FAM169A: variants seen among roughly 807,000 people sequenced by gnomAD.
FAM169A encodes soluble lamin-associated protein of 75 kDa.
FAM169A carries 24 observed loss-of-function variants against 75.7 expected under a neutral mutation model. That is an observed-to-expected ratio of 0.32 (90% CI 0.23 to 0.45). The LOEUF (loss-of-function observed/expected upper bound fraction) is 0.45. Ranked by LOEUF, FAM169A falls within the 20% of genes least tolerant of loss-of-function variation. FAM169A has a pLI of 1.00. For missense variants in FAM169A, 673 were observed against 784.0 expected (o/e 0.86, Z 1.69); for synonymous variants, 271 against 271.0 (o/e 1.00, Z 0.00).
chr5:74,797,036 T>A (rs1339237747), intron 10 of FAM169A, among the ~76,000 whole-genome samples: 2 of 152,134 alleles, frequency 1.3e-5, no homozygotes, highest in Non-Finnish European at 2.9e-5. Context: ...TTGTAGTACA[T>A]CTTCATCAAG....
chr5:74,788,588 C>A (rs562881478), intron 11 of FAM169A, among the ~76,000 whole-genome samples: 19 of 152,136 alleles, frequency 1.2e-4, no homozygotes, highest in African/African-American at 4.6e-4. Context: ...GCCTGTAATC[C>A]CAGCTACTAG....
chr5:74,799,900 T>C, intron 10 of FAM169A: 1 of 945,094 alleles, frequency 1.1e-6, no homozygotes, highest in Non-Finnish European at 1.8e-6. Flanking sequence ...ATGGAATGCT[T>C]CTGCAACACG....
At chr5:74,821,866 GC>G (rs1487853416) in intron 5 of FAM169A, among the ~76,000 whole-genome samples, 1 of 152,124 alleles carries the variant, frequency 6.6e-6, no homozygotes, top group African/African-American at 2.4e-5. Context: ...CACTGGGATG[GC>G]AGAAGATCCA....
intron 10 of FAM169A, among the ~76,000 whole-genome samples, chr5:74,797,064 T>C (rs1746315229): frequency 6.6e-6 from 1 of 152,126 alleles, no homozygotes; most frequent in African/African-American, 2.4e-5. Context: ...AAGAGCTGGC[T>C]TTCTAATGCA....
intron 1 of FAM169A, among the ~76,000 whole-genome samples, chr5:74,842,590 G>T (rs565222658): frequency 1.4e-5 from 2 of 144,444 alleles, no homozygotes; most frequent in South Asian, 2.2e-4. Flanking sequence ...TAAGTGCATT[G>T]GTGCAATCAT....
intron 1 of FAM169A, among the ~76,000 whole-genome samples, chr5:74,845,492 T>C (rs1452092215): frequency 6.6e-6 from 1 of 152,178 alleles, no homozygotes; most frequent in South Asian, 2.1e-4. Flanking sequence ...CACTCCAGCC[T>C]GGGTGACAGA....
intron 5 of FAM169A, among the ~76,000 whole-genome samples, chr5:74,818,359 T>C (rs1747577412): frequency 6.6e-6 from 1 of 152,054 alleles, no homozygotes; most frequent in Admixed American, 6.6e-5. Context: ...CAAGGGACTG[T>C]GGGGTAAAGG....
upstream of FAM169A, chr5:74,866,538 G>T: frequency 1.8e-6 from 1 of 552,882 alleles, no homozygotes; most frequent in Non-Finnish European, 2.3e-6. Flanking sequence ...GGCCCGGCAG[G>T]TGCGGGCTTG....
intron 5 of FAM169A, among the ~76,000 whole-genome samples, chr5:74,832,159 A>G (rs1179972722): frequency 1.3e-5 from 2 of 152,136 alleles, no homozygotes; most frequent in Non-Finnish European, 2.9e-5. Context: ...TTGTTTGAAA[A>G]TATAAAACAT....
chr5:74,779,811 G>A lies in FAM169A; in HGVS notation c.*1649C>T, dbSNP rs970895711. ...TTTGTCTGCTTTAAGATTTTAACTT[G>A]ATCGAAAATACCAACATCCCCAAAC... is the stretch of plus-strand genomic sequence containing the variant. On this transcript the variant is annotated 3_prime_UTR_variant, in exon 13 of 13. Transcript: ENST00000687041. 2.0e-5 allele frequency: 3 copies of A among 152,114 alleles called. No homozygotes were observed. The highest frequency in any genetic ancestry group is 7.2e-5 in the African/African-American group (3 of 41,424). 9.4% of individuals were successfully genotyped at this position (152,114 alleles called of 1,614,324 possible). A position where few individuals can be genotyped will look rare whatever the true frequency, so the allele number is the denominator to read the frequency against.
chr5:74,796,334 C>T, intron 10 of FAM169A, 148 bp from the exon 11 acceptor site: 1 of 638,738 alleles, frequency 1.6e-6, no homozygotes, highest in South Asian at 2.4e-5. Context: ...TCTCTTCATC[C>T]TCTTATAATA....
Position 74,781,093 on chromosome 5 carries a change from A to G in FAM169A, c.*367T>C, listed in dbSNP as rs1146144. On this transcript the variant is annotated 3_prime_UTR_variant, in exon 13 of 13. Transcript: ENST00000687041. ...AAGTTTTACTATTAAAACCCTTAGT[A>G]TAAAAGATTTCTGTGATCCTTATAA... The G allele has an allele frequency of 5.7e-6, 1 of 176,510 alleles. No individual in the cohort carries two copies. Among genetic ancestry groups the G allele is most frequent in the African/African-American group, 2.4e-5 (1 of 42,142 alleles). 10.9% of individuals were successfully genotyped at this position (176,510 alleles called of 1,614,324 possible).
rs1157001411 is a variant in FAM169A at position 74,779,831 on chromosome 5, C to T, written c.*1629G>A. 6.6e-6 allele frequency: 1 copy of T among 152,084 alleles called. No individual in the cohort carries two copies. Among genetic ancestry groups the T allele is most frequent in the Non-Finnish European group, 1.5e-5 (1 of 68,022 alleles). 9.4% of individuals were successfully genotyped at this position (152,084 alleles called of 1,614,324 possible). A position where few individuals can be genotyped will look rare whatever the true frequency, so the allele number is the denominator to read the frequency against. On this transcript the variant is annotated 3_prime_UTR_variant, in exon 13 of 13. Coordinates refer to ENST00000687041, the MANE Select transcript of FAM169A (RefSeq NM_001376049.1). ...AACTTGATCGAAAATACCAACATCC[C>T]CAAACAAAATTTACTGACCTGACAT...
intron 8 of FAM169A, among the ~76,000 whole-genome samples, chr5:74,802,005 A>AT (rs1290206054): frequency 6.8e-6 from 1 of 147,624 alleles, no homozygotes; most frequent in Non-Finnish European, 1.5e-5. Flanking sequence ...TTCCAATGAA[A>AT]TATCTCCCAG....
intron 5 of FAM169A, among the ~76,000 whole-genome samples, chr5:74,819,869 A>C (rs1189106663): frequency 6.6e-6 from 1 of 152,088 alleles, no homozygotes; most frequent in Non-Finnish European, 1.5e-5. Flanking sequence ...AGGAGTGAGG[A>C]GGAAATGGGG....
At chr5:74,854,651 C>T (rs1258151225) in intron 1 of FAM169A, among the ~76,000 whole-genome samples, 2 of 152,134 alleles carry the variant, frequency 1.3e-5, no homozygotes, top group Admixed American at 1.3e-4. Context: ...TACTCTCTAT[C>T]TCCATGAATT....
At chr5:74,789,681 G>C (rs1303782270) in intron 11 of FAM169A, among the ~76,000 whole-genome samples, 1 of 152,186 alleles carries the variant, frequency 6.6e-6, no homozygotes, top group African/African-American at 2.4e-5. Flanking sequence ...GGCCCCCATA[G>C]GTGAATCACA....
In FAM169A at chr5:74,782,961, T is replaced by G. The variant is rs777046319; in HGVS notation, c.1434A>C (p.Ser478=). ...TNLVPLVVES[S]KPPEVDAPDK... ...CTGGTGCATCTACCTCAGGGGGTTT[T>G]GAAGATTCTACCACCAGTGGAACAA... The change falls in exon 12 of 13, where the codon TCA becomes TCC. Residue 478 remains serine (S), a synonymous_variant. Coordinates refer to ENST00000687041, the MANE Select transcript of FAM169A (RefSeq NM_001376049.1). 1.2e-6 allele frequency: 2 copies of G among 1,613,650 alleles called. No homozygotes were observed. The highest frequency in any genetic ancestry group is 1.3e-5 in the African/African-American group (1 of 74,930).
At position 74,800,998 on chromosome 5, in the gene FAM169A, G is replaced by A; in HGVS notation, c.985C>T (p.Arg329Ter). Residue 329 changes from arginine to a stop codon, truncating the protein, a stop_gained, in exon 10 of 13, where the codon CGA (arginine) becomes TGA (stop). Transcript: ENST00000687041. LOFTEE classifies it high-confidence loss of function. ...TTTGGCCGCTTTAGATTACCACTTC[G>A]AGTATGAGTGGAAACAGATGTTTTA... Reference protein sequence around the residue: ...HDKTSVSTHTRSGNLKRPKIG... With the variant: ...HDKTSVSTHT The A allele has an allele frequency of 1.9e-6, 3 of 1,563,648 alleles. No individual in the cohort carries two copies. The highest frequency in any genetic ancestry group is 1.4e-5 in the African/African-American group (1 of 72,472).
Sources: allele counts gnomAD v4.1 joint callset (sites outside exome capture counted in the v4.1 genomes callset), GRCh38; gene constraint gnomAD v4.1.1; transcripts MANE v1.5; gene names NCBI Gene and HGNC (gene_info 2026-07-23, HGNC 2026-07-21).